THSD7A: variants seen among roughly 807,000 people sequenced by gnomAD.
The protein encoded by THSD7A is thrombospondin type 1 domain containing 7A, also known as thrombospondin type-1 domain-containing protein 7A.
Under a neutral mutation model 231.3 loss-of-function variants are expected in THSD7A, and 96 were observed. The ratio of observed to expected loss-of-function variants is 0.41; its 90% CI spans 0.35 to 0.49. The LOEUF is 0.49. THSD7A is among the 20% of genes least tolerant of loss of function. The pLI is 0.05. For synonymous variants in THSD7A, 940 were observed against 743.3 expected (o/e 1.26, Z -4.30); for missense variants, 2,290 against 2,070.2 (o/e 1.11, Z -2.06).
chr7:11,427,188 G>A (rs1238115302), intron 14 of THSD7A, among the ~76,000 whole-genome samples: 2 of 152,058 alleles, frequency 1.3e-5, no homozygotes, highest in East Asian at 3.9e-4. Context: ...TTTTACTGAG[G>A]AACATATAAT....
Position 11,411,632 on chromosome 7 carries a change from T to G in THSD7A, c.3683-310A>C, listed in dbSNP as rs139984531. ...ACAGATCAATGTCACTTAAAAACTT[T>G]CTTTCCCAATAAAAATATAATTTAA... On this transcript the variant is annotated intron_variant, in intron 18 of 27. Transcript: ENST00000423059. The surrounding 1 kb of genome is among the most constrained non-coding windows in gnomAD (Gnocchi z 4.1). Among the ~76,000 whole-genome samples the G allele has an allele frequency of 2.5e-3, 382 of 152,358 alleles. 1 individual carries two copies. Among genetic ancestry groups the G allele is most frequent in the Middle Eastern group, 0.01 (3 of 294 alleles).
At chr7:11,746,233 T>C (rs1353612506) in intron 1 of THSD7A, among the ~76,000 whole-genome samples, 1 of 152,070 alleles carries the variant, frequency 6.6e-6, no homozygotes, top group East Asian at 1.9e-4. Flanking sequence ...GTTGCCAAGA[T>C]TGTATACAGA....
At chr7:11,586,971 A>T (rs1779935280) in intron 4 of THSD7A, among the ~76,000 whole-genome samples, 1 of 152,152 alleles carries the variant, frequency 6.6e-6, no homozygotes, top group African/African-American at 2.4e-5. Context: ...TATGTTTTCT[A>T]CAGAGAAATG....
rs527545597 is a variant in THSD7A, at chr7:11,590,387, T to C, written c.1453+73A>G. The C allele has an allele frequency of 4.4e-5, 66 of 1,503,196 alleles. 1 individual carries two copies. The African/African-American group carries it at 8.6e-4, about 20-fold the overall frequency. 93.1% of individuals were successfully genotyped at this position (1,503,196 alleles called of 1,614,324 possible). A position where few individuals can be genotyped will look rare whatever the true frequency, so the allele number is the denominator to read the frequency against. ...CCCTCATAACCTGGATGGCTGTGTA[T>C]ATATCCCTTCAGAGCAATCACATGC... On this transcript the variant is annotated intron_variant, in intron 4 of 27. Transcript: ENST00000423059. The surrounding 1 kb of genome is among the most constrained non-coding windows in gnomAD (Gnocchi z 4.4).
chr7:11,399,594 A>G (rs1783320583), intron 23 of THSD7A, among the ~76,000 whole-genome samples: 1 of 152,218 alleles, frequency 6.6e-6, no homozygotes, highest in Non-Finnish European at 1.5e-5. Flanking sequence ...AGAAATGCAA[A>G]TCAAAACCAC....
intron 6 of THSD7A, among the ~76,000 whole-genome samples, chr7:11,531,598 T>A (rs1170317341): frequency 1.3e-5 from 2 of 152,208 alleles, no homozygotes; most frequent in African/African-American, 4.8e-5. Flanking sequence ...CAAATTCGCA[T>A]AGGGCTTACT....
intron 6 of THSD7A, among the ~76,000 whole-genome samples, chr7:11,514,913 CA>C (rs1787966645): frequency 6.6e-6 from 1 of 152,136 alleles, no homozygotes; most frequent in South Asian, 2.1e-4. Context: ...GCTCCACCTT[CA>C]GTGACAGTGC....
Position 11,543,098 on chromosome 7 carries a change from T to G in THSD7A, c.1473A>C (p.Leu491Phe), listed in dbSNP as rs1315316333. The stretch of plus-strand genomic sequence containing the variant: ...TAGGGATAGGTCCAGTGCATAATTT[T>G]AAGTCCATTGGCTTTGAGGCTAGAG... The part of the protein sequence containing the change: ...KNKEASKPMD[L>F]KLCTGPIPNT... The change falls in exon 5 of 28, where the codon TTA (leucine) becomes TTC (phenylalanine). Residue 491 changes from leucine (L) to phenylalanine (F), a missense_variant. By Grantham distance (22) the Leu-to-Phe change is conservative. Coordinates refer to ENST00000423059, the MANE Select transcript of THSD7A (RefSeq NM_015204.3). 1 of 1,612,108 alleles carries G rather than the reference T, an allele frequency of 6.2e-7. No homozygotes were observed. The highest frequency in any genetic ancestry group is 1.7e-5 in the Admixed American group (1 of 59,716).
intron 4 of THSD7A, among the ~76,000 whole-genome samples, chr7:11,566,695 C>T (rs895236167): frequency 6.6e-6 from 1 of 151,982 alleles, no homozygotes; most frequent in Non-Finnish European, 1.5e-5. Context: ...GTGATATATT[C>T]CTGGATATTT....
chr7:11,678,867 A>C (rs1187231269), intron 1 of THSD7A, among the ~76,000 whole-genome samples: 1 of 152,214 alleles, frequency 6.6e-6, no homozygotes, highest in Admixed American at 6.5e-5. Context: ...CATCATCCTG[A>C]TACCAAAACC....
chr7:11,456,644 A>C (rs1480269575), intron 11 of THSD7A, among the ~76,000 whole-genome samples: 1 of 151,946 alleles, frequency 6.6e-6, no homozygotes, highest in Non-Finnish European at 1.5e-5. Context: ...TTTTCTGTAA[A>C]AGACTACATG....
At chr7:11,536,673 T>C (rs1328577630) in intron 6 of THSD7A, among the ~76,000 whole-genome samples, 2 of 152,156 alleles carry the variant, frequency 1.3e-5, no homozygotes, top group Admixed American at 1.3e-4. Context: ...TGCTTATTCA[T>C]TCCCCCTTTT....
chr7:11,687,487 C>G (rs367872011), intron 1 of THSD7A, among the ~76,000 whole-genome samples: 1 of 151,756 alleles, frequency 6.6e-6, no homozygotes, highest in Non-Finnish European at 1.5e-5. Flanking sequence ...TGAGCTCAGA[C>G]AACCTTAAAA....
At chr7:11,489,047 T>G (rs1265094319) in intron 6 of THSD7A, among the ~76,000 whole-genome samples, 2 of 152,130 alleles carry the variant, frequency 1.3e-5, no homozygotes, top group Non-Finnish European at 2.9e-5. Flanking sequence ...TTTAAAACTT[T>G]TTCTCATTCC....
chr7:11,665,245 G>A (rs952226557), intron 1 of THSD7A, among the ~76,000 whole-genome samples: 9 of 152,110 alleles, frequency 5.9e-5, no homozygotes, highest in South Asian at 2.1e-4. Flanking sequence ...ATGCTATGAC[G>A]CCAAAGGATT....
chr7:11,654,761 T>C (rs1000236981), intron 1 of THSD7A, among the ~76,000 whole-genome samples: 1 of 151,926 alleles, frequency 6.6e-6, no homozygotes, highest in Non-Finnish European at 1.5e-5. Flanking sequence ...GAATAATACA[T>C]GTCTTTCGCT....
At position 11,831,916 on chromosome 7, in the gene THSD7A, C is replaced by G; in HGVS notation, c.31G>C (p.Gly11Arg). 5 of 1,236,636 alleles carry G rather than the reference C, an allele frequency of 4.0e-6. No homozygotes were observed. The highest frequency in any genetic ancestry group is 5.0e-6 in the Non-Finnish European group (5 of 993,398). 76.6% of individuals were successfully genotyped at this position (1,236,636 alleles called of 1,614,324 possible). A position where few individuals can be genotyped will look rare whatever the true frequency, so the allele number is the denominator to read the frequency against. Reference protein sequence around the residue: MGLQARRWASGSRGAAGPRRG... With the variant: MGLQARRWASRSRGAAGPRRG... ...CGCGGCCCCGCAGCGCCCCGGCTCC[C>G]GGACGCCCAGCGCCTGGCTTGCAGC... is the stretch of plus-strand genomic sequence containing the variant. The change falls in exon 1 of 28, where the codon GGG becomes CGG. Residue 11 changes from glycine (G) to arginine (R), a missense_variant. Coordinates refer to ENST00000423059, the MANE Select transcript of THSD7A (RefSeq NM_015204.3). This position sits in a 1 kb window ranked among gnomAD's most constrained non-coding sequence, Gnocchi z 5.0.
intron 1 of THSD7A, among the ~76,000 whole-genome samples, chr7:11,744,431 T>A (rs966896271): frequency 5.3e-5 from 8 of 151,094 alleles, no homozygotes; most frequent in African/African-American, 1.5e-4. Context: ...TTTATTATTT[T>A]TTATTTTTAT....
chr7:11,444,823 T>TAA lies in THSD7A; in HGVS notation c.3064+1236_3064+1237dup, dbSNP rs1784913806. The stretch of plus-strand genomic sequence containing the variant: ...TGTGTGTGTGTATAAACTATATATA[T>TAA]AATTAAACTATATATATAATTAAAC... On this transcript the variant is annotated intron_variant, in intron 13 of 27. Transcript: ENST00000423059. This position sits in a 1 kb window ranked among gnomAD's most constrained non-coding sequence, Gnocchi z 4.2. Among the ~76,000 whole-genome samples the TAA allele has an allele frequency of 6.8e-6, 1 of 147,492 alleles. No homozygotes were observed. Among genetic ancestry groups the TAA allele is most frequent in the African/African-American group, 2.5e-5 (1 of 40,520 alleles).
Sources: gnomAD v4.1 joint callset for allele counts (sites outside exome capture counted in the v4.1 genomes callset) on GRCh38, gnomAD v4.1.1 for gene constraint, Gnocchi (gnomAD v3.1) non-coding constraint, MANE v1.5 for transcripts, NCBI Gene and HGNC (gene_info 2026-07-23, HGNC 2026-07-21) for gene names.